The following ZMYM6 variants were observed in gnomAD, a reference collection of about 807,000 sequenced individuals.
ZMYM6 encodes zinc finger MYM-type containing 6.
A neutral mutation model predicts 134.0 loss-of-function variants in ZMYM6; 90 were observed. The ratio of observed to expected loss-of-function variants is 0.67; its 90% confidence interval spans 0.57 to 0.80. The LOEUF (loss-of-function observed/expected upper bound fraction) is 0.80. ZMYM6 is among the 30% of genes least tolerant of loss of function. The pLI is 0.00. For synonymous variants in ZMYM6, 481 were observed against 524.1 expected (o/e 0.92, Z 1.12); for missense variants, 1,362 against 1,533.9 (o/e 0.89, Z 1.87).
intron 3 of ZMYM6, 92 bp downstream of exon 3, chr1:35,020,287 AAGAG>A (rs1641282081): frequency 3.5e-6 from 4 of 1,133,454 alleles, no homozygotes; most frequent in Admixed American, 2.5e-5. Context: ...GCTCTAAAGA[AAGAG>A]AAAGACATAC....
intron 7 of ZMYM6, 121 bp downstream of exon 7, chr1:35,012,310 C>A: frequency 1.1e-6 from 1 of 946,182 alleles, no homozygotes. Flanking sequence ...ATTTAAAAGT[C>A]AGTCTTGGGT....
At position 35,015,134 on chromosome 1, in the gene ZMYM6, T is replaced by A. The variant is rs762230800; in HGVS notation, c.457A>T (p.Thr153Ser). 1.2e-6 allele frequency: 2 copies of A among 1,608,806 alleles called. No homozygotes were observed. The highest frequency in any genetic ancestry group is 1.7e-6 in the Non-Finnish European group (2 of 1,178,816). Residue 153 changes from threonine to serine, a missense_variant, in exon 5 of 16, where the codon ACA (threonine) becomes TCA (serine). Thr to Ser is a moderately conservative substitution (Grantham distance 58). This residue lies in a region of ZMYM6 where 503 missense variants were observed against 520.8 expected (regional missense o/e 0.97). Transcript: ENST00000357182. ...GGATAGGAATTCTCAAAGCGAGTTGTGATCACATCCTTAGGATTTAAAATG... is the reference window on the plus strand; with the variant it reads ...GGATAGGAATTCTCAAAGCGAGTTGAGATCACATCCTTAGGATTTAAAATG... ...KDILNPKDVI[T>S]TRFENSYPSK...
intron 7 of ZMYM6, 115 bp from the exon 8 acceptor site, chr1:35,012,120 G>A (rs929507020): frequency 2.9e-6 from 2 of 683,284 alleles, no homozygotes; most frequent in South Asian, 3.3e-5. Flanking sequence ...AAAAAATCAA[G>A]GAACTTTATA....
In ZMYM6 at chr1:35,011,922, A is replaced by G. The variant is rs749508352; in HGVS notation, c.1030T>C (p.Phe344Leu). ...GCAACCACACAACTGGAGCTGCAGA[A>G]GCTGTATATAGTTCCATTTGACATG... ...LAMSNGTIYS[F>L]CSSSCVVAFQ... Residue 344 changes from phenylalanine to leucine, a missense_variant, in exon 8 of 16, where the codon TTC (phenylalanine) becomes CTC (leucine). Physicochemically the swap from Phe to Leu is conservative, Grantham distance 22. Coordinates refer to ENST00000357182, the MANE Select transcript of ZMYM6 (RefSeq NM_007167.4). The G allele has an allele frequency of 6.2e-7, 1 of 1,606,834 alleles. No homozygotes were observed. Among genetic ancestry groups the G allele is most frequent in the African/African-American group, 1.3e-5 (1 of 74,860 alleles).
At chr1:34,991,874 C>T (rs929086331) in intron 15 of ZMYM6, among the ~76,000 whole-genome samples, 2 of 152,008 alleles carry the variant, frequency 1.3e-5, no homozygotes, top group Non-Finnish European at 2.9e-5. Context: ...AGTAATACTT[C>T]ACAACTTTTT....
intron 6 of ZMYM6, chr1:35,013,682 T>G (rs556003107): frequency 6.4e-6 from 6 of 930,964 alleles, no homozygotes; most frequent in Admixed American, 6.3e-5. Flanking sequence ...TACATCTTTG[T>G]TTTTTTTTTT....
chr1:35,010,358 GA>G, intron 10 of ZMYM6, 88 bp downstream of exon 10: 1 of 1,482,110 alleles, frequency 6.7e-7, no homozygotes, highest in Non-Finnish European at 9.1e-7. Context: ...AAGACAAAAA[GA>G]ATGTGAAAAC....
At position 34,986,260 on chromosome 1, in the gene ZMYM6, G is replaced by C. The variant is rs1489175032; in HGVS notation, c.*844C>G. 2.0e-5 allele frequency: 3 copies of C among 152,194 alleles called. No homozygotes were observed. The highest frequency in any genetic ancestry group is 4.4e-5 in the Non-Finnish European group (3 of 68,026). 9.4% of individuals were successfully genotyped at this position (152,194 alleles called of 1,614,324 possible). On this transcript the variant is annotated 3_prime_UTR_variant, in exon 16 of 16. Transcript: ENST00000357182. ...TGCACTGCAACTGCAGAATTGAGTA[G>C]TTGTGACAGTATGGCCTGCAAAGCT... is the stretch of plus-strand genomic sequence containing the variant.
intron 12 of ZMYM6, among the ~76,000 whole-genome samples, chr1:35,005,478 AAACCT>A (rs1186045049): frequency 2.6e-5 from 4 of 152,106 alleles, no homozygotes; most frequent in Admixed American, 6.6e-5. Flanking sequence ...ATAAAGTCAT[AAACCT>A]CAAATGACAT....
At chr1:34,992,454 G>T in intron 14 of ZMYM6, 67 bp from the exon 15 acceptor site, 2 of 1,505,550 alleles carry the variant, frequency 1.3e-6, no homozygotes, top group Non-Finnish European at 1.8e-6. Flanking sequence ...GACTATAATT[G>T]CTATCAATTG....
chr1:34,994,729 T>C (rs1025300539), intron 14 of ZMYM6, among the ~76,000 whole-genome samples: 17 of 151,970 alleles, frequency 1.1e-4, no homozygotes, highest in African/African-American at 3.9e-4. Flanking sequence ...ATTGTGGTTT[T>C]TGCAATTAAA....
chr1:35,010,521 T>C lies in ZMYM6; in HGVS notation c.1418A>G (p.Asp473Gly). 3 of 1,614,056 alleles carry C rather than the reference T, an allele frequency of 1.9e-6. No individual in the cohort carries two copies. In the South Asian group the frequency reaches 3.3e-5, roughly 18 times the overall value. The part of the protein sequence containing the change: ...KKKNKVVAMC[D>G]YCKLQKIIKE... ...TATAATTTTCTGCAGTTTACAGTAG[T>C]CACACATTGCCACAACTTTATTTTT... The change falls in exon 10 of 16, where the codon GAC (aspartate) becomes GGC (glycine). Residue 473 changes from aspartate (D) to glycine (G), a missense_variant. Physicochemically the swap from Asp to Gly is moderately conservative, Grantham distance 94. This residue lies in a region of ZMYM6 where 35 missense variants were observed against 72.2 expected (regional missense o/e 0.48). Coordinates refer to ENST00000357182, the MANE Select transcript of ZMYM6 (RefSeq NM_007167.4).
chr1:35,012,673 C>A, intron 6 of ZMYM6, 92 bp from the exon 7 acceptor site: 1 of 1,516,326 alleles, frequency 6.6e-7, no homozygotes, highest in Non-Finnish European at 8.8e-7. Flanking sequence ...CCTACAACCA[C>A]GGTCCTTGGT....
Position 34,998,020 on chromosome 1 carries a change from C to A in ZMYM6, c.1993-5633G>T, listed in dbSNP as rs374458092. 3.9e-5 allele frequency among the ~76,000 whole-genome samples: 6 copies of A among 152,272 alleles called. No individual in the cohort carries two copies. In the East Asian group the frequency reaches 5.8e-4, roughly 15 times the overall value. On this transcript the variant is annotated intron_variant, in intron 14 of 15. Transcript: ENST00000357182. ...TTTGGGCCAGGTGCTGTGGCTCATG[C>A]CTGTAATCCCAGCACTTTGGGACAC...
At chr1:35,014,264 TCAATA>T (rs756117629) in intron 6 of ZMYM6, among the ~76,000 whole-genome samples, 2 of 152,230 alleles carry the variant, frequency 1.3e-5, no homozygotes, top group Non-Finnish European at 2.9e-5. Context: ...TTTCTTGCTA[TCAATA>T]CATCACAAAA....
chr1:35,023,425 CTTAT>C (rs1641348406), intron 2 of ZMYM6, among the ~76,000 whole-genome samples: 1 of 152,006 alleles, frequency 6.6e-6, no homozygotes, highest in Non-Finnish European at 1.5e-5. Context: ...AGTTCTCATA[CTTAT>C]TTATTAGTTT....
intron 2 of ZMYM6, among the ~76,000 whole-genome samples, chr1:35,028,370 G>T (rs1291319044): frequency 1.3e-5 from 2 of 151,644 alleles, no homozygotes; most frequent in Non-Finnish European, 2.9e-5. Flanking sequence ...AAATAAAATT[G>T]TTTTTTATTA....
Position 34,987,330 on chromosome 1 carries a change from A to G in ZMYM6, c.3752T>C (p.Val1251Ala). 6.2e-7 allele frequency: 1 copy of G among 1,612,670 alleles called. No individual in the cohort carries two copies. The highest frequency in any genetic ancestry group is 8.5e-7 in the Non-Finnish European group (1 of 1,179,404). ...ATTTATCCAAAACTGAGTTACAGAC[A>G]CTGATTTAAATAGTGCTTGTAATCC... The part of the protein sequence containing the change: ...DLGLQALFKS[V>A]SVTQFWINAK... Residue 1251 changes from valine to alanine, a missense_variant, in exon 16 of 16, where the codon GTG becomes GCG. This residue lies in a region of ZMYM6 where 824 missense variants were observed against 940.9 expected (regional missense o/e 0.88). Coordinates refer to ENST00000357182, the MANE Select transcript of ZMYM6 (RefSeq NM_007167.4).
At position 34,987,730 on chromosome 1, in the gene ZMYM6, CTGA is replaced by C; in HGVS notation, c.3349_3351del (p.Ser1117del). 6.4e-7 allele frequency: 1 copy of C among 1,551,360 alleles called. No homozygotes were observed. Among genetic ancestry groups the C allele is most frequent in the Non-Finnish European group, 8.7e-7 (1 of 1,146,940 alleles). ...AATTCATTTATAAGTGAAAATATAT[CTGA>C]TAAGTAGGCCAGCTTTCCAACCCAT... On this transcript the variant is annotated inframe_deletion, in exon 16 of 16. Transcript: ENST00000357182.
Sources: gnomAD v4.1 joint callset for allele counts (sites outside exome capture counted in the v4.1 genomes callset) on GRCh38, gnomAD v4.1.1 for gene constraint, gnomAD v4.1.1 regional missense constraint, MANE v1.5 for transcripts, NCBI Gene and HGNC (gene_info 2026-07-23, HGNC 2026-07-21) for gene names.